The following RSPH1 variants were observed in gnomAD, a reference collection of about 807,000 sequenced individuals.
RSPH1 encodes radial spoke head 1 homolog.
RSPH1 carries 32 observed loss-of-function variants against 44.2 expected under a neutral mutation model. The observed-to-expected ratio is 0.72, with a 90% CI of 0.55 to 0.97. The LOEUF (loss-of-function observed/expected upper bound fraction) is 0.97. Ranked by LOEUF, RSPH1 falls within the 50% of genes least tolerant of loss-of-function variation. The probability of loss-of-function intolerance (pLI) is 0.00; values close to 1 mark genes in which losing one functional copy is unlikely to be tolerated. For missense variants in RSPH1, 391 were observed against 398.7 expected (o/e 0.98, Z 0.16); for synonymous variants, 134 against 147.3 (o/e 0.91, Z 0.65).
chr21:42,495,135 GGCATCAATC>G (rs1224952931), intron 1 of RSPH1, among the ~76,000 whole-genome samples: 1 of 152,206 alleles, frequency 6.6e-6, no homozygotes, highest in Non-Finnish European at 1.5e-5. Flanking sequence ...GGACTCTGGG[GGCATCAATC>G]GCACTGCAGA....
intron 5 of RSPH1, 91 bp from the exon 6 acceptor site, chr21:42,482,799 A>C: frequency 1.1e-6 from 1 of 878,116 alleles, no homozygotes; most frequent in Non-Finnish European, 1.8e-6. Flanking sequence ...ACCTCAAATC[A>C]CCAAATTGGG....
chr21:42,484,401 T>A (rs1007491752), intron 5 of RSPH1, among the ~76,000 whole-genome samples: 9 of 152,206 alleles, frequency 5.9e-5, no homozygotes, highest in Admixed American at 5.2e-4. Context: ...GTCCCAAATG[T>A]GCAAAATGAC....
At chr21:42,484,436 T>C (rs987014692) in intron 5 of RSPH1, among the ~76,000 whole-genome samples, 12 of 152,200 alleles carry the variant, frequency 7.9e-5, no homozygotes, top group Non-Finnish European at 1.6e-4. Flanking sequence ...ATGTATATTT[T>C]TGTATCCTGA....
chr21:42,491,016 C>G (rs1018605420), intron 3 of RSPH1, among the ~76,000 whole-genome samples: 1 of 152,222 alleles, frequency 6.6e-6, no homozygotes, highest in African/African-American at 2.4e-5. Flanking sequence ...TGGGAACCTT[C>G]CAGGCCTTGC....
intron 6 of RSPH1, among the ~76,000 whole-genome samples, chr21:42,480,814 C>T (rs1332393153): frequency 6.6e-6 from 1 of 152,100 alleles, no homozygotes; most frequent in Non-Finnish European, 1.5e-5. Flanking sequence ...GGGACAGGCC[C>T]TCATGCACAG....
At chr21:42,476,978 A>G (rs1265471195) in intron 7 of RSPH1, among the ~76,000 whole-genome samples, 6 of 58,620 alleles carry the variant, frequency 1.0e-4, no homozygotes, top group African/African-American at 3.0e-4. Context: ...CAGCCTGGGG[A>G]TGCCCCACAC....
At chr21:42,476,328 T>G (rs1217690107) in intron 7 of RSPH1, among the ~76,000 whole-genome samples, 1 of 152,048 alleles carries the variant, frequency 6.6e-6, no homozygotes, top group Non-Finnish European at 1.5e-5. Context: ...AGAAGTCCCC[T>G]GGGGTTCCTG....
At chr21:42,473,783 TG>T (rs1484005816) in intron 8 of RSPH1, among the ~76,000 whole-genome samples, 4 of 152,168 alleles carry the variant, frequency 2.6e-5, no homozygotes, top group Non-Finnish European at 5.9e-5. Flanking sequence ...GACCCTTTGC[TG>T]GGGGCTGTTC....
chr21:42,485,554 A>C, intron 5 of RSPH1, 115 bp downstream of exon 5: 1 of 1,175,706 alleles, frequency 8.5e-7, no homozygotes, highest in Non-Finnish European at 1.2e-6. Flanking sequence ...ACATTTGAAT[A>C]GGCCGGACTC....
At chr21:42,493,180 G>T in intron 1 of RSPH1, 101 bp from the exon 2 acceptor site, 1 of 955,042 alleles carries the variant, frequency 1.0e-6, no homozygotes. Flanking sequence ...ATCCCACTAT[G>T]CTAAACCCCC....
rs955547326 is a variant in RSPH1, at chr21:42,474,531, C to T, written c.877+1367G>A. Among the ~76,000 whole-genome samples the T allele has an allele frequency of 6.6e-6, 1 of 152,242 alleles. No homozygotes were observed. Among genetic ancestry groups the T allele is most frequent in the Admixed American group, 6.5e-5 (1 of 15,286 alleles). The stretch of plus-strand genomic sequence containing the variant: ...CAGTGTCTCCCCCTCCAGCTGTGCT[C>T]CACAGTGACTAAGGACTGACATCTG... On this transcript the variant is annotated intron_variant, in intron 8 of 8. Transcript: ENST00000291536. This position sits in a 1 kb window ranked among gnomAD's most constrained non-coding sequence, Gnocchi z 5.2.
chr21:42,476,216 A>G (rs1203335852), intron 7 of RSPH1, among the ~76,000 whole-genome samples, 169 bp from the exon 8 acceptor site: 1 of 146,774 alleles, frequency 6.8e-6, no homozygotes, highest in Admixed American at 6.8e-5. Flanking sequence ...AGGCCTGGCC[A>G]GGGGAGCAGC....
intron 3 of RSPH1, among the ~76,000 whole-genome samples, chr21:42,486,904 C>T (rs773803339): frequency 1.3e-5 from 2 of 152,212 alleles, no homozygotes; most frequent in Non-Finnish European, 2.9e-5. Context: ...GCCAGTGATC[C>T]TAACACCACA....
At chr21:42,485,364 G>A (rs2054168590) in intron 5 of RSPH1, 2 of 357,338 alleles carry the variant, frequency 5.6e-6, no homozygotes, top group African/African-American at 4.1e-5. Flanking sequence ...CCATGAGAAG[G>A]AATACACACA....
chr21:42,485,333 G>C (rs2054168200), intron 5 of RSPH1: 1 of 258,040 alleles, frequency 3.9e-6, no homozygotes, highest in Non-Finnish European at 7.6e-6. Context: ...GCAGGAAATA[G>C]ATATTTGGTA....
At chr21:42,488,829 G>A (rs997996928) in intron 3 of RSPH1, among the ~76,000 whole-genome samples, 24 of 152,192 alleles carry the variant, frequency 1.6e-4, no homozygotes, top group African/African-American at 5.8e-4. Flanking sequence ...TTCCTTTTTT[G>A]AGGTGAGTGA....
intron 6 of RSPH1, among the ~76,000 whole-genome samples, chr21:42,477,962 G>C (rs1379891954): frequency 6.6e-6 from 1 of 152,184 alleles, no homozygotes; most frequent in African/African-American, 2.4e-5. Context: ...GGCCTAAGAA[G>C]TTCCTAAGAT....
Position 42,472,794 on chromosome 21 carries a change from G to C in RSPH1, c.*24C>G, listed in dbSNP as rs191554866. 1 of 1,578,658 alleles carries C rather than the reference G, an allele frequency of 6.3e-7. No individual in the cohort carries two copies. The highest frequency in any genetic ancestry group is 1.3e-5 in the African/African-American group (1 of 74,116). On this transcript the variant is annotated 3_prime_UTR_variant, in exon 9 of 9. Coordinates refer to ENST00000291536, the MANE Select transcript of RSPH1 (RefSeq NM_080860.4). ...AACGACAGAAGCATTCTTATGATAC[G>C]ATCTCCTCTCGGCTCACTTCATCTT...
intron 6 of RSPH1, among the ~76,000 whole-genome samples, chr21:42,479,235 C>T (rs2054101300): frequency 6.6e-6 from 1 of 152,176 alleles, no homozygotes; most frequent in Non-Finnish European, 1.5e-5. Flanking sequence ...AGAGAGAACA[C>T]GGAGGCCCTT....
Sources: gnomAD v4.1 joint callset for allele counts (sites outside exome capture counted in the v4.1 genomes callset) on GRCh38, gnomAD v4.1.1 for gene constraint, Gnocchi (gnomAD v3.1) non-coding constraint, MANE v1.5 for transcripts, NCBI Gene and HGNC (gene_info 2026-07-23, HGNC 2026-07-21) for gene names.